Variants in PACSIN2 observed in about 807,000 individuals in gnomAD.
PACSIN2 encodes protein kinase C and casein kinase substrate in neurons protein 2.
In PACSIN2, 25 loss-of-function variants were observed where a neutral mutation model predicts 63.8. The observed-to-expected ratio is 0.39, with a 90% confidence interval of 0.29 to 0.55. The LOEUF (loss-of-function observed/expected upper bound fraction) is 0.55. Ranked by LOEUF, PACSIN2 falls within the 20% of genes least tolerant of loss-of-function variation. The pLI, the probability that PACSIN2 is intolerant of heterozygous loss-of-function variation, is 0.62. For synonymous variants in PACSIN2, 255 were observed against 256.2 expected, an observed-to-expected ratio of 1.00 and a Z score of 0.05; for missense variants, 518 against 646.9, an observed-to-expected ratio of 0.80 and a Z score of 2.16.
At chr22:42,957,170 C>A (rs1240302497) in intron 1 of PACSIN2, among the ~76,000 whole-genome samples, 2 of 152,068 alleles carry the variant, frequency 1.3e-5, no homozygotes, top group Admixed American at 1.3e-4. Context: ...AGAAAGTGCC[C>A]ACTAGAACAC....
At chr22:43,013,286 TAATA>T (rs1924623245) in intron 1 of PACSIN2, among the ~76,000 whole-genome samples, 1 of 152,206 alleles carries the variant, frequency 6.6e-6, no homozygotes. Flanking sequence ...CTTTCCCAAG[TAATA>T]AATATCACCA....
chr22:42,878,765 C>T (rs1377920590), intron 8 of PACSIN2, among the ~76,000 whole-genome samples: 1 of 152,214 alleles, frequency 6.6e-6, no homozygotes, highest in Non-Finnish European at 1.5e-5. Flanking sequence ...AGCTCCTCCC[C>T]ACTCAGGTCT....
intron 1 of PACSIN2, among the ~76,000 whole-genome samples, chr22:42,921,367 A>G (rs1334404789): frequency 8.2e-6 from 1 of 121,412 alleles, no homozygotes; most frequent in African/African-American, 3.0e-5. Flanking sequence ...TCAAAAAAGA[A>G]AAAAGAAAAA....
chr22:42,891,217 G>A (rs750735281), intron 3 of PACSIN2, 35 bp from the exon 4 acceptor site: 15 of 1,461,066 alleles, frequency 1.0e-5, no homozygotes, highest in East Asian at 9.1e-5. Context: ...GTCACTCAGC[G>A]CCGGCCATGG....
intron 5 of PACSIN2, among the ~76,000 whole-genome samples, chr22:42,886,377 A>C (rs1331311011): frequency 6.6e-6 from 1 of 152,360 alleles, no homozygotes. Context: ...GATAAGAAAC[A>C]TGAAAGTACA....
At chr22:42,904,708 G>T (rs1328805199) in intron 2 of PACSIN2, among the ~76,000 whole-genome samples, 3 of 120,584 alleles carry the variant, frequency 2.5e-5, no homozygotes, top group African/African-American at 9.3e-5. Context: ...CCAGTTTGGT[G>T]CTTCCACAGC....
chr22:42,889,937 A>C (rs535191719), intron 4 of PACSIN2, among the ~76,000 whole-genome samples: 128 of 152,272 alleles, frequency 8.4e-4, no homozygotes, highest in Non-Finnish European at 1.5e-3. Flanking sequence ...AATAAAGTGA[A>C]AGCAAGTTTA....
intron 1 of PACSIN2, among the ~76,000 whole-genome samples, chr22:42,997,396 A>G (rs1458699237): frequency 6.6e-6 from 1 of 152,108 alleles, no homozygotes; most frequent in Non-Finnish European, 1.5e-5. Flanking sequence ...GTCTCTACTA[A>G]AAATAGAAAA....
intron 1 of PACSIN2, among the ~76,000 whole-genome samples, chr22:42,987,530 CTTTTTT>C (rs1160565529): frequency 1.9e-5 from 1 of 52,028 alleles, no homozygotes; most frequent in Admixed American, 3.4e-4. Flanking sequence ...CACATTCATT[CTTTTTT>C]TTTTTTTTTT....
intron 10 of PACSIN2, among the ~76,000 whole-genome samples, chr22:42,872,887 C>T (rs1345794315): frequency 6.6e-6 from 1 of 152,222 alleles, no homozygotes; most frequent in Non-Finnish European, 1.5e-5. Context: ...CACGATGAAC[C>T]ACCATCTCTT....
chr22:42,976,354 C>T (rs956550091), intron 1 of PACSIN2, among the ~76,000 whole-genome samples: 6 of 152,336 alleles, frequency 3.9e-5, no homozygotes, highest in Admixed American at 6.5e-5. Flanking sequence ...CACTGGCAAG[C>T]GCAGGCCTTA....
At chr22:42,998,163 G>C (rs1393989786) in intron 1 of PACSIN2, among the ~76,000 whole-genome samples, 1 of 152,198 alleles carries the variant, frequency 6.6e-6, no homozygotes, top group Non-Finnish European at 1.5e-5. Context: ...ACAGGAAGTT[G>C]ATGAATAAAA....
intron 7 of PACSIN2, among the ~76,000 whole-genome samples, chr22:42,881,665 C>A (rs1929083700): frequency 6.6e-6 from 1 of 152,210 alleles, no homozygotes; most frequent in African/African-American, 2.4e-5. Flanking sequence ...AAAGCTTAGA[C>A]CCACATGATG....
rs752956842 is a variant in PACSIN2, at chr22:42,879,073, G to A, written c.1003C>T (p.Gln335Ter). The A allele has an allele frequency of 1.2e-6, 2 of 1,614,110 alleles. No individual in the cohort carries two copies. The highest frequency in any genetic ancestry group is 2.2e-5 in the East Asian group (1 of 44,882). ...CTGCTGGGCTTACTCGGCAGAGACTGGTCGCCTGTCTGGTTGATGCCCGTC... is the reference window on the plus strand; with the variant it reads ...CTGCTGGGCTTACTCGGCAGAGACTAGTCGCCTGTCTGGTTGATGCCCGTC... ...TLTGINQTGD[Q>*]SLPSKPSSTL... is the part of the protein sequence containing the mutation. Residue 335 changes from glutamine (Q) to a stop codon, truncating the protein, a stop_gained, in exon 8 of 11, where the codon CAG becomes TAG. Transcript: ENST00000263246. LOFTEE classifies it high-confidence loss of function.
intron 1 of PACSIN2, among the ~76,000 whole-genome samples, chr22:42,951,233 T>C (rs116353247): frequency 5.7e-4 from 87 of 152,310 alleles, no homozygotes; most frequent in African/African-American, 1.9e-3. Flanking sequence ...CCTTATCTTC[T>C]AGTCACGATA....
At chr22:42,936,917 A>AGGGG (rs34212391) in intron 1 of PACSIN2, among the ~76,000 whole-genome samples, 12 of 117,206 alleles carry the variant, frequency 1.0e-4, no homozygotes, top group Admixed American at 1.8e-4. Flanking sequence ...CCTCAAAAAA[A>AGGGG]GGGGGGGGGG....
chr22:42,947,464 C>G (rs1422512567), intron 1 of PACSIN2, among the ~76,000 whole-genome samples: 1 of 152,124 alleles, frequency 6.6e-6, no homozygotes, highest in Non-Finnish European at 1.5e-5. Flanking sequence ...GCGGCCTCTT[C>G]CCATGCTTGG....
At chr22:42,886,328 T>C (rs749902668) in intron 5 of PACSIN2, among the ~76,000 whole-genome samples, 7 of 152,228 alleles carry the variant, frequency 4.6e-5, no homozygotes, top group Non-Finnish European at 1.0e-4. Flanking sequence ...ATGCAAAAAG[T>C]TCTTTTATGA....
chr22:42,959,548 TCTCCAAGAAAATCAAACACTTA>T (rs1934051747), intron 1 of PACSIN2: 1 of 152,240 alleles, frequency 6.6e-6, no homozygotes. Context: ...CGAAATCTAT[TCTCCAAGAAAATCAAACACTTA>T]CTCTGACATC....
Sources: allele counts gnomAD v4.1 joint callset (sites outside exome capture counted in the v4.1 genomes callset), GRCh38; gene constraint gnomAD v4.1.1; transcripts MANE v1.5; gene names NCBI Gene and HGNC (gene_info 2026-07-23, HGNC 2026-07-21).